The following NIP7 variants were observed in gnomAD, a reference collection of about 807,000 sequenced individuals.
NIP7 encodes 60S ribosome subunit biogenesis protein NIP7 homolog.
Under a neutral mutation model 20.1 loss-of-function variants are expected in NIP7, and 12 were observed. The observed-to-expected ratio is 0.60, with a 90% CI of 0.38 to 0.97. NIP7 has a LOEUF of 0.97. Among genes scored for constraint, NIP7 ranks in the 50% least tolerant of loss-of-function variants. NIP7 has a pLI of 0.00. For missense variants in NIP7, 226 were observed against 226.6 expected, an observed-to-expected ratio of 1.00 and a Z score of 0.02; for synonymous variants, 103 against 87.2, an observed-to-expected ratio of 1.18 and a Z score of -1.01.
At chr16:69,340,648 T>G (rs2012502967) in intron 3 of NIP7, 1 of 402,598 alleles carries the variant, frequency 2.5e-6, no homozygotes, top group East Asian at 4.2e-5. Flanking sequence ...CCATGGAGGA[T>G]GATCCTTGTA....
rs552130925 is a variant in NIP7 at position 69,342,432 on chromosome 16, TA to T, written c.*796del. ...CAACATGGTGAAACCCCATCTCTAC[TA>T]AAAAAAAAAAAAAAATTAGGTGTGG... On this transcript the variant is annotated 3_prime_UTR_variant, in exon 5 of 5. Coordinates refer to ENST00000254940, the MANE Select transcript of NIP7 (RefSeq NM_016101.5). The T allele has an allele frequency of 5.8e-3, 791 of 136,804 alleles. No homozygotes were observed. The highest frequency in any genetic ancestry group is 8.1e-3 in the African/African-American group (302 of 37,270). 8.5% of individuals were successfully genotyped at this position (136,804 alleles called of 1,614,324 possible). A position where few individuals can be genotyped will look rare whatever the true frequency, so the allele number is the denominator to read the frequency against.
chr16:69,340,455 A>G, intron 3 of NIP7, 123 bp downstream of exon 3: 2 of 1,223,768 alleles, frequency 1.6e-6, no homozygotes, highest in Non-Finnish European at 2.3e-6. Context: ...GCACATGGAG[A>G]TGTGTAGAGG....
chr16:69,341,063 C>CT, intron 3 of NIP7, 117 bp from the exon 4 acceptor site: 2 of 860,678 alleles, frequency 2.3e-6, no homozygotes, highest in South Asian at 3.5e-5. Context: ...AAACATGAGT[C>CT]TCTCTGTTTC....
At chr16:69,340,710 TTTTTC>T (rs907328769) in intron 3 of NIP7, 1 of 228,658 alleles carries the variant, frequency 4.4e-6, no homozygotes, top group Non-Finnish European at 8.6e-6. Context: ...CTTGCTCTGT[TTTTTC>T]TTTTCATTTC....
At chr16:69,339,974 G>C (rs2012462530) in intron 1 of NIP7, 32 bp from the exon 2 acceptor site, 4 of 1,613,280 alleles carry the variant, frequency 2.5e-6, no homozygotes, top group Non-Finnish European at 3.4e-6. Context: ...GGTTCGTTCG[G>C]GCGCGGTCTC....
chr16:69,340,875 A>AT (rs560971381), intron 3 of NIP7: 133 of 257,828 alleles, frequency 5.2e-4, no homozygotes, highest in Admixed American at 3.5e-3. Flanking sequence ...CACCTGGCTG[A>AT]TTTTTTTGTG....
chr16:69,340,076 C>T lies in NIP7; in HGVS notation c.127C>T (p.Arg43Trp). The change falls in exon 2 of 5, where the codon CGG (arginine) becomes TGG (tryptophan). Residue 43 changes from arginine (R) to tryptophan (W), a missense_variant. Coordinates refer to ENST00000254940, the MANE Select transcript of NIP7 (RefSeq NM_016101.5). Reference sequence around the variant, plus strand: ...CTACTGTTTCCGTCTGCACAACGACCGGGTGTACTATGTGAGGTGAGGCGG... The same window carrying T: ...CTACTGTTTCCGTCTGCACAACGACTGGGTGTACTATGTGAGGTGAGGCGG... ...GTYCFRLHNDRVYYVSEKIMK... is the reference protein window; with the variant it reads ...GTYCFRLHNDWVYYVSEKIMK... 1.2e-6 allele frequency: 2 copies of T among 1,614,024 alleles called. No homozygotes were observed. Among genetic ancestry groups the T allele is most frequent in the Non-Finnish European group, 1.7e-6 (2 of 1,180,008 alleles).
In NIP7 at chr16:69,340,106, G is replaced by A; in HGVS notation, c.143+14G>A. ...GTACTATGTGAGGTGAGGCGGGGCC[G>A]GGCAGGCAGCATGGACCCAGGGGAG... On this transcript the variant is annotated intron_variant, in intron 2 of 4. Transcript: ENST00000254940. 1 of 1,613,374 alleles carries A rather than the reference G, an allele frequency of 6.2e-7. No homozygotes were observed. The highest frequency in any genetic ancestry group is 8.5e-7 in the Non-Finnish European group (1 of 1,179,992).
In NIP7 at chr16:69,341,961, T is replaced by C. The variant is rs192456022; in HGVS notation, c.*309T>C. On this transcript the variant is annotated 3_prime_UTR_variant, in exon 5 of 5. Coordinates refer to ENST00000254940, the MANE Select transcript of NIP7 (RefSeq NM_016101.5). ...ACCAGGAACAAGAATAGCTTATTGT[T>C]ATCTGTGATAACACTGTTTTCTAAA... 230 of 217,326 alleles carry C rather than the reference T, an allele frequency of 1.1e-3. No individual in the cohort carries two copies. Among genetic ancestry groups the C allele is most frequent in the African/African-American group, 4.6e-3 (200 of 43,566 alleles). The allele number at this position is 217,326 out of a possible 1,614,324, so 13.5% of individuals were successfully genotyped here.
intron 3 of NIP7, chr16:69,340,740 C>T: frequency 4.8e-6 from 1 of 206,744 alleles, no homozygotes; most frequent in South Asian, 9.0e-5. Flanking sequence ...TCTCTTTCTT[C>T]CTGACACAGT....
chr16:69,341,706 C>T lies in NIP7; in HGVS notation c.*54C>T. The T allele has an allele frequency of 1.9e-6, 3 of 1,606,852 alleles. No homozygotes were observed. The highest frequency in any genetic ancestry group is 1.7e-6 in the Non-Finnish European group (2 of 1,175,326). On this transcript the variant is annotated 3_prime_UTR_variant, in exon 5 of 5. Coordinates refer to ENST00000254940, the MANE Select transcript of NIP7 (RefSeq NM_016101.5). ...GTATGGAAAGGCCGAGCTTTGTTTC[C>T]TGTGTTTGTGTGGACTCCACCATCA...
chr16:69,339,962 C>T (rs750414408), intron 1 of NIP7, 44 bp from the exon 2 acceptor site: 14 of 1,613,032 alleles, frequency 8.7e-6, no homozygotes, highest in Non-Finnish European at 1.2e-5. Context: ...GTGCCGGAGA[C>T]CGGTTCGTTC....
chr16:69,340,819 G>A, intron 3 of NIP7: 1 of 225,072 alleles, frequency 4.4e-6, no homozygotes, highest in South Asian at 6.2e-5. Context: ...CCAGTTTCCA[G>A]TGATTCTTGT....
chr16:69,340,229 G>C lies in NIP7; in HGVS notation c.179G>C (p.Gly60Ala). ...KIMKLAANIS[G>A]DKLVSLGTCF... ...ATGAAGCTGGCCGCCAATATTTCCG[G>C]GGACAAGCTGGTGTCGCTGGGGACC... The change falls in exon 3 of 5, where the codon GGG (glycine) becomes GCG (alanine). Residue 60 changes from glycine (G) to alanine (A), a missense_variant. Physicochemically the swap from Gly to Ala is moderately conservative, Grantham distance 60 (BLOSUM62 0). Transcript: ENST00000254940. 6.2e-7 allele frequency: 1 copy of C among 1,614,152 alleles called. No homozygotes were observed. The highest frequency in any genetic ancestry group is 8.5e-7 in the Non-Finnish European group (1 of 1,180,042).
At position 69,341,328 on chromosome 16, in the gene NIP7, G is replaced by A. The variant is rs754376821; in HGVS notation, c.423+8G>A. On this transcript the variant is annotated splice_region_variant and intron_variant, in intron 4 of 4. Coordinates refer to ENST00000254940, the MANE Select transcript of NIP7 (RefSeq NM_016101.5). ...ATGGCAGACATCCCTTTGGTGAGTA[G>A]AGATGGTAGCTGTTACAGAACTCAA... 5.6e-6 allele frequency: 9 copies of A among 1,613,604 alleles called. No homozygotes were observed. The South Asian group carries it at 9.9e-5, about 18-fold the overall frequency.
At chr16:69,341,453 C>T (rs2012549157) in intron 4 of NIP7, 80 bp from the exon 5 acceptor site, 2 of 1,582,026 alleles carry the variant, frequency 1.3e-6, no homozygotes, top group Admixed American at 1.8e-5. Flanking sequence ...TGTATTTTTT[C>T]CGTCTTTGTT....
In NIP7 at chr16:69,341,654, A is replaced by G. The variant is rs780221560; in HGVS notation, c.*2A>G. 1 of 1,614,108 alleles carries G rather than the reference A, an allele frequency of 6.2e-7. No individual in the cohort carries two copies. Among genetic ancestry groups the G allele is most frequent in the South Asian group, 1.1e-5 (1 of 91,050 alleles). ...CGGCATGAAGAGACGTTGACTTAAA[A>G]CGAAGCCATTCCAAGGACAGACGGC... On this transcript the variant is annotated 3_prime_UTR_variant, in exon 5 of 5. Transcript: ENST00000254940.
intron 4 of NIP7, 72 bp from the exon 5 acceptor site, chr16:69,341,458 TTTG>T: frequency 1.3e-6 from 2 of 1,589,316 alleles, no homozygotes; most frequent in Non-Finnish European, 1.7e-6. Flanking sequence ...TTTTTCCGTC[TTTG>T]TTATTTCCAG....
Position 69,341,273 on chromosome 16 carries a change from T to A in NIP7, c.376T>A (p.Ser126Thr), listed in dbSNP as rs755187486. The change falls in exon 4 of 5, where the codon TCT (serine) becomes ACT (threonine). Residue 126 changes from serine (S) to threonine (T), a missense_variant. Physicochemically the swap from Ser to Thr is moderately conservative, Grantham distance 58. Coordinates refer to ENST00000254940, the MANE Select transcript of NIP7 (RefSeq NM_016101.5). ...SGLGRITENT[S>T]QYQGVVVYSM... ...TCTGGGTCGAATCACTGAAAATACT[T>A]CTCAGTACCAGGGCGTGGTGGTGTA... 1.9e-6 allele frequency: 3 copies of A among 1,614,130 alleles called. No individual in the cohort carries two copies.
Sources: allele counts gnomAD v4.1 joint callset, GRCh38; gene constraint gnomAD v4.1.1; transcripts MANE v1.5; gene names NCBI Gene and HGNC (gene_info 2026-07-23, HGNC 2026-07-21).